The following NHSL2 variants were observed in gnomAD, a reference collection of about 807,000 sequenced individuals.
The protein encoded by NHSL2 is NHS-like protein 2.
A neutral mutation model predicts 53.4 loss-of-function variants in NHSL2; 27 were observed. The observed-to-expected ratio is 0.51, with a 90% confidence interval of 0.37 to 0.70. The LOEUF is 0.70. Among genes scored for constraint, NHSL2 ranks in the 30% least tolerant of loss-of-function variants. The pLI is 0.00. For synonymous variants in NHSL2, 408 were observed against 404.1 expected (o/e 1.01, Z -0.12); for missense variants, 892 against 980.1 (o/e 0.91, Z 1.20).
At chrX:71,999,613 G>A (rs1411616605) in intron 1 of NHSL2, among the ~76,000 whole-genome samples, 1 of 111,800 alleles carries the variant, frequency 8.9e-6, no homozygotes, top group African/African-American at 3.3e-5. Flanking sequence ...TAGAAAAGCT[G>A]GTGAACTCCA....
chrX:72,068,667 T>TGC (rs1569477219), intron 1 of NHSL2, among the ~76,000 whole-genome samples: 12 of 42,176 alleles, frequency 2.8e-4, no homozygotes, highest in Admixed American at 4.1e-4. Flanking sequence ...TGTGCGTGTG[T>TGC]GTGTGTGTGA....
Position 71,937,919 on chromosome X carries a change from C to T in NHSL2, c.280+26552C>T, listed in dbSNP as rs754997779. Among the ~76,000 whole-genome samples, 5 of 111,892 alleles carry T rather than the reference C, an allele frequency of 4.5e-5. No individual in the cohort carries two copies. In the South Asian group the frequency reaches 1.9e-3, roughly 43 times the overall value. On this transcript the variant is annotated intron_variant, in intron 1 of 7. Transcript: ENST00000633930. The stretch of plus-strand genomic sequence containing the variant: ...ACCTACCGTTGTGAACATTGCTAGT[C>T]ATTATGGGAAAGGGAAAGAGAGCCC...
intron 1 of NHSL2, among the ~76,000 whole-genome samples, chrX:72,035,725 A>G: frequency 8.9e-6 from 1 of 111,903 alleles, no homozygotes; most frequent in African/African-American, 3.2e-5. Flanking sequence ...GGAAAAGAAA[A>G]AATCTATTGT....
intron 1 of NHSL2, among the ~76,000 whole-genome samples, chrX:72,052,779 TG>T (rs1025826282): frequency 9.0e-6 from 1 of 111,516 alleles, no homozygotes; most frequent in Non-Finnish European, 1.9e-5. Flanking sequence ...AAAGGGTAGG[TG>T]GGGGCCTCTC....
chrX:71,960,505 C>G (rs768550040), intron 1 of NHSL2, among the ~76,000 whole-genome samples: 18 of 112,236 alleles, frequency 1.6e-4, no homozygotes, highest in African/African-American at 5.2e-4. Flanking sequence ...ATATTTTCTT[C>G]TAAGAAATTT....
chrX:72,039,072 C>T (rs867070031), intron 1 of NHSL2, among the ~76,000 whole-genome samples: 2 of 27,905 alleles, frequency 7.2e-5, no homozygotes, highest in African/African-American at 3.6e-4. Context: ...TTTTCTTTTC[C>T]TTTCCTTTCC....
intron 1 of NHSL2, among the ~76,000 whole-genome samples, chrX:72,086,897 T>C (rs1234163105): frequency 1.8e-5 from 2 of 111,487 alleles, no homozygotes; most frequent in Non-Finnish European, 3.8e-5. Flanking sequence ...AATTACCATA[T>C]AACCTATCAG....
intron 1 of NHSL2, among the ~76,000 whole-genome samples, chrX:72,093,014 G>A (rs911125458): frequency 6.2e-5 from 7 of 112,753 alleles, no homozygotes; most frequent in Non-Finnish European, 1.3e-4. Context: ...AGTATTATCT[G>A]TTGAGAGGAT....
intron 1 of NHSL2, among the ~76,000 whole-genome samples, chrX:71,963,713 C>T (rs1305918531): frequency 9.3e-6 from 1 of 108,048 alleles, no homozygotes; most frequent in Non-Finnish European, 1.9e-5. Flanking sequence ...CACTTGAAAC[C>T]AGGAGTTTGA....
rs183319314 is a variant in NHSL2 at position 72,011,567 on chromosome X, G to A, written c.280+100200G>A. ...CACCTGTAGTCCCAGCTACTTGGGA[G>A]GCTGAGGCAGGAGAATTGCTTCAAC... is the stretch of plus-strand genomic sequence containing the variant. On this transcript the variant is annotated intron_variant, in intron 1 of 7. Coordinates refer to ENST00000633930, the MANE Select transcript of NHSL2 (RefSeq NM_001013627.3). Among the ~76,000 whole-genome samples the A allele has an allele frequency of 4.8e-3, 534 of 111,280 alleles. 3 individuals carry two copies. Among genetic ancestry groups the A allele is most frequent in the African/African-American group, 0.017 (506 of 30,613 alleles).
intron 1 of NHSL2, among the ~76,000 whole-genome samples, chrX:71,957,116 A>G (rs1470444450): frequency 1.8e-5 from 2 of 112,371 alleles, no homozygotes; most frequent in Non-Finnish European, 3.8e-5. Flanking sequence ...ACAAATGTTC[A>G]GTAAACCCCA....
chrX:72,040,937 T>G (rs189151626), intron 1 of NHSL2, among the ~76,000 whole-genome samples: 1 of 112,204 alleles, frequency 8.9e-6, no homozygotes, highest in East Asian at 2.8e-4. Flanking sequence ...AAACACATAA[T>G]TTAGAAGCAG....
intron 1 of NHSL2, among the ~76,000 whole-genome samples, chrX:71,982,721 C>A (rs746366139): frequency 8.9e-6 from 1 of 112,404 alleles, no homozygotes; most frequent in African/African-American, 3.2e-5. Context: ...GGGTGGCCTA[C>A]CCAAGTAGAA....
chrX:72,026,664 A>T (rs1429703233), intron 1 of NHSL2, among the ~76,000 whole-genome samples: 3 of 112,563 alleles, frequency 2.7e-5, no homozygotes, highest in African/African-American at 9.7e-5. Flanking sequence ...GGTTGTAAGG[A>T]TGTACTCACA....
chrX:72,074,962 TA>T (rs1425326182), intron 1 of NHSL2, among the ~76,000 whole-genome samples: 3 of 112,184 alleles, frequency 2.7e-5, no homozygotes, highest in Non-Finnish European at 5.6e-5. Context: ...CAAAGAATAA[TA>T]AAAACCATTA....
chrX:71,980,068 T>C (rs1455104829), intron 1 of NHSL2, among the ~76,000 whole-genome samples: 15 of 111,943 alleles, frequency 1.3e-4, no homozygotes, highest in Non-Finnish European at 2.4e-4. Flanking sequence ...GATCAGATGG[T>C]TGTAGATGTG....
At chrX:72,095,049 A>G (rs947087121) in intron 1 of NHSL2, among the ~76,000 whole-genome samples, 2 of 112,200 alleles carry the variant, frequency 1.8e-5, no homozygotes, top group Admixed American at 9.4e-5. Context: ...GGTCTAAAAC[A>G]GAAACCAGGA....
chrX:72,126,184 G>C (rs1398388053), intron 1 of NHSL2, among the ~76,000 whole-genome samples: 2 of 111,874 alleles, frequency 1.8e-5, no homozygotes, highest in Non-Finnish European at 3.8e-5. Context: ...AAGGGACAAA[G>C]CAAATGTGCC....
chrX:71,951,879 A>G (rs1277877383), intron 1 of NHSL2, among the ~76,000 whole-genome samples: 2 of 111,905 alleles, frequency 1.8e-5, no homozygotes, highest in African/African-American at 6.5e-5. Flanking sequence ...GCTTTCCATA[A>G]GCCCTAAGAT....
Sources: gnomAD v4.1 joint callset for allele counts (sites outside exome capture counted in the v4.1 genomes callset) on GRCh38, gnomAD v4.1.1 for gene constraint, MANE v1.5 for transcripts, NCBI Gene and HGNC (gene_info 2026-07-23, HGNC 2026-07-21) for gene names.